Variants in ZBTB20 observed in about 807,000 individuals in gnomAD.
The protein encoded by ZBTB20 is zinc finger and BTB domain containing 20.
A neutral mutation model predicts 56.9 loss-of-function variants in ZBTB20; 9 were observed. The ratio of observed to expected loss-of-function variants is 0.16; its 90% CI spans 0.10 to 0.28. The LOEUF is 0.28. Ranked by LOEUF, ZBTB20 falls within the 10% of genes least tolerant of loss-of-function variation. The pLI is 1.00. For missense variants in ZBTB20, 655 were observed against 1,003.0 expected (o/e 0.65, Z 4.69); for synonymous variants, 417 against 420.7 (o/e 0.99, Z 0.11).
intron 7 of ZBTB20, among the ~76,000 whole-genome samples, chr3:114,458,866 G>T (rs1027166187): frequency 6.6e-5 from 10 of 152,048 alleles, no homozygotes; most frequent in African/African-American, 2.4e-4. Context: ...TTTTTCCAAA[G>T]AATTCTTGGC....
chr3:114,474,746 C>T (rs1388048645), intron 7 of ZBTB20, among the ~76,000 whole-genome samples: 1 of 152,154 alleles, frequency 6.6e-6, no homozygotes, highest in Non-Finnish European at 1.5e-5. Flanking sequence ...TCTTCCTCTC[C>T]CTTGCTCCCC....
intron 6 of ZBTB20, among the ~76,000 whole-genome samples, chr3:114,621,220 CTT>C (rs2058297491): frequency 6.6e-6 from 1 of 152,264 alleles, no homozygotes; most frequent in South Asian, 2.1e-4. Flanking sequence ...AATTACCAAA[CTT>C]ATCAGCTAAC....
Position 114,675,284 on chromosome 3 carries a change from G to A in ZBTB20, c.-295+18244C>T, listed in dbSNP as rs76548028. ...GAAAATTGCTCCTTGTAGCTCCCCT[G>A]TCAATGAATATTATCATATTTTTCT... On this transcript the variant is annotated intron_variant, in intron 6 of 11. Coordinates refer to ENST00000675478, the MANE Select transcript of ZBTB20 (RefSeq NM_001348800.3). 4.4e-4 allele frequency among the ~76,000 whole-genome samples: 59 copies of A among 134,000 alleles called. 1 individual carries two copies. The East Asian group carries it at 0.013, about 30-fold the overall frequency. The allele number at this position is 134,000 out of a possible 152,430, so 87.9% of individuals were successfully genotyped here.
At chr3:114,462,158 A>C (rs1249839835) in intron 7 of ZBTB20, among the ~76,000 whole-genome samples, 1 of 152,204 alleles carries the variant, frequency 6.6e-6, no homozygotes, top group Non-Finnish European at 1.5e-5. Flanking sequence ...TTGGATTGCA[A>C]GTATCCTAGG....
chr3:114,472,322 A>G (rs112329807), intron 7 of ZBTB20, among the ~76,000 whole-genome samples: 1 of 152,188 alleles, frequency 6.6e-6, no homozygotes, highest in Non-Finnish European at 1.5e-5. Flanking sequence ...CTGTTTTTAC[A>G]GTCTAGGTTA....
chr3:114,533,302 C>G (rs2048082401), intron 6 of ZBTB20, among the ~76,000 whole-genome samples: 1 of 151,628 alleles, frequency 6.6e-6, no homozygotes, highest in Non-Finnish European at 1.5e-5. Flanking sequence ...CATAAATTAC[C>G]TGCTGGAACT....
chr3:115,132,004 T>C (rs2084520607), intron 1 of ZBTB20, among the ~76,000 whole-genome samples: 1 of 152,212 alleles, frequency 6.6e-6, no homozygotes, highest in Non-Finnish European at 1.5e-5. Context: ...TGCTTTTTCA[T>C]ATTTGCTTGC....
At chr3:114,851,018 G>A (rs918727880) in intron 4 of ZBTB20, among the ~76,000 whole-genome samples, 1 of 152,142 alleles carries the variant, frequency 6.6e-6, no homozygotes, top group Non-Finnish European at 1.5e-5. Flanking sequence ...AGAAACCAGG[G>A]CTGTTTTCAT....
At chr3:114,675,325 T>C (rs1003129537) in intron 6 of ZBTB20, among the ~76,000 whole-genome samples, 1 of 123,260 alleles carries the variant, frequency 8.1e-6, no homozygotes, top group Middle Eastern at 4.2e-3. Context: ...ATAAGGTTAC[T>C]GTGTTTTTTT....
intron 4 of ZBTB20, among the ~76,000 whole-genome samples, chr3:114,801,611 A>G (rs978598307): frequency 6.6e-6 from 1 of 151,916 alleles, no homozygotes; most frequent in African/African-American, 2.4e-5. Flanking sequence ...ATTAAAGGGA[A>G]ATTATGACTT....
chr3:114,460,944 T>C (rs1453914670), intron 7 of ZBTB20, among the ~76,000 whole-genome samples: 1 of 152,204 alleles, frequency 6.6e-6, no homozygotes, highest in East Asian at 1.9e-4. Flanking sequence ...CTCCTGACAC[T>C]AAGAGCTTCC....
chr3:114,966,620 T>G (rs6796618), intron 3 of ZBTB20, among the ~76,000 whole-genome samples: 1 of 151,978 alleles, frequency 6.6e-6, no homozygotes, highest in Non-Finnish European at 1.5e-5. Flanking sequence ...AATAGTTCAG[T>G]CAAGACTGAA....
At chr3:115,100,314 A>G (rs2083543020) in intron 1 of ZBTB20, 1 of 151,876 alleles carries the variant, frequency 6.6e-6, no homozygotes, top group East Asian at 1.9e-4. Context: ...ACTGCAACCT[A>G]CCTTACAAAC....
intron 4 of ZBTB20, among the ~76,000 whole-genome samples, chr3:114,871,890 C>G (rs1374643440): frequency 6.6e-6 from 1 of 152,024 alleles, no homozygotes; most frequent in African/African-American, 2.4e-5. Flanking sequence ...ACACATAGGA[C>G]CTTCAAAATA....
intron 4 of ZBTB20, among the ~76,000 whole-genome samples, chr3:114,809,320 T>C (rs1578966275): frequency 6.6e-6 from 1 of 152,134 alleles, no homozygotes; most frequent in African/African-American, 2.4e-5. Flanking sequence ...GTTAGTATGC[T>C]TGATGGTCTC....
intron 5 of ZBTB20, among the ~76,000 whole-genome samples, chr3:114,717,488 G>T (rs1418185774): frequency 1.3e-5 from 2 of 152,044 alleles, no homozygotes; most frequent in Non-Finnish European, 2.9e-5. Flanking sequence ...CTTTCTACTA[G>T]AGATTTGAGG....
intron 3 of ZBTB20, among the ~76,000 whole-genome samples, chr3:114,905,584 TTG>T (rs2075289610): frequency 6.6e-6 from 1 of 151,906 alleles, no homozygotes; most frequent in Admixed American, 6.6e-5. Context: ...GTTGCATGAA[TTG>T]TGTTAGCTTG....
chr3:114,785,131 C>T (rs927160863), intron 5 of ZBTB20, among the ~76,000 whole-genome samples: 5 of 152,076 alleles, frequency 3.3e-5, no homozygotes, highest in African/African-American at 1.2e-4. Flanking sequence ...CTAACCAATA[C>T]CTTGGGAACA....
intron 1 of ZBTB20, among the ~76,000 whole-genome samples, chr3:115,096,654 C>A (rs2083389973): frequency 6.6e-6 from 1 of 152,166 alleles, no homozygotes; most frequent in Non-Finnish European, 1.5e-5. Flanking sequence ...ACATACCTTG[C>A]CAGATGTTGG....
Sources: gnomAD v4.1 joint callset for allele counts (sites outside exome capture counted in the v4.1 genomes callset) on GRCh38, gnomAD v4.1.1 for gene constraint, MANE v1.5 for transcripts, NCBI Gene and HGNC (gene_info 2026-07-23, HGNC 2026-07-21) for gene names.